TACR3: variants seen among roughly 807,000 people sequenced by gnomAD.
TACR3 encodes the protein neuromedin-K receptor.
A neutral mutation model predicts 35.0 loss-of-function variants in TACR3; 34 were observed. The ratio of observed to expected loss-of-function variants is 0.97; its 90% CI spans 0.74 to 1.30. TACR3 has a LOEUF of 1.30. Among genes scored for constraint, TACR3 ranks in the 50% most tolerant of loss-of-function variants. The probability of loss-of-function intolerance (pLI) is 0.00; values close to 1 mark genes in which losing one functional copy is unlikely to be tolerated. For synonymous variants in TACR3, 233 were observed against 221.1 expected (o/e 1.05, Z -0.48); for missense variants, 558 against 591.7 (o/e 0.94, Z 0.59).
At chr4:103,661,729 T>G (rs555729110) in intron 1 of TACR3, among the ~76,000 whole-genome samples, 1 of 152,290 alleles carries the variant, frequency 6.6e-6, no homozygotes, top group African/African-American at 2.4e-5. Context: ...TTTACTTGAA[T>G]TACATGGAAA....
intron 1 of TACR3, among the ~76,000 whole-genome samples, chr4:103,659,945 A>G (rs1019394855): frequency 6.6e-6 from 1 of 152,142 alleles, no homozygotes; most frequent in African/African-American, 2.4e-5. Context: ...TGTTGTTTCA[A>G]TTCTACTTTT....
At chr4:103,603,171 C>T (rs571000739) in intron 3 of TACR3, among the ~76,000 whole-genome samples, 2 of 152,344 alleles carry the variant, frequency 1.3e-5, no homozygotes, top group South Asian at 4.1e-4. Flanking sequence ...GAGCAAGACT[C>T]CATGGGCGTA....
At chr4:103,711,240 T>C (rs888284614) in intron 1 of TACR3, among the ~76,000 whole-genome samples, 3 of 152,264 alleles carry the variant, frequency 2.0e-5, no homozygotes, top group Non-Finnish European at 2.9e-5. Context: ...GCAAAAATCC[T>C]CAATAAAATA....
At chr4:103,633,390 A>G (rs1367296508) in intron 3 of TACR3, among the ~76,000 whole-genome samples, 2 of 145,650 alleles carry the variant, frequency 1.4e-5, no homozygotes, top group Non-Finnish European at 3.1e-5. Flanking sequence ...TATTTGCTGC[A>G]AATCAATTTA....
At chr4:103,600,124 A>C (rs1051697278) in intron 3 of TACR3, among the ~76,000 whole-genome samples, 2 of 152,064 alleles carry the variant, frequency 1.3e-5, no homozygotes, top group African/African-American at 2.4e-5. Flanking sequence ...TTATTACCTC[A>C]ATTTCACAGC....
At position 103,695,620 on chromosome 4, in the gene TACR3, A is replaced by G. The variant is rs58834485; in HGVS notation, c.548+23508T>C. On this transcript the variant is annotated intron_variant, in intron 1 of 4. Coordinates refer to ENST00000304883, the MANE Select transcript of TACR3 (RefSeq NM_001059.3). ...ATAGTAAAGTTTCGTGGGGTTCAAA[A>G]TTATACACAATTATTTTTACTGTGC... 2.5e-3 allele frequency among the ~76,000 whole-genome samples: 386 copies of G among 152,122 alleles called. 2 individuals carry two copies. The highest frequency in any genetic ancestry group is 9.0e-3 in the African/African-American group (372 of 41,514).
intron 3 of TACR3, among the ~76,000 whole-genome samples, chr4:103,603,800 GCAT>G (rs1724271893): frequency 6.6e-6 from 1 of 152,172 alleles, no homozygotes; most frequent in South Asian, 2.1e-4. Flanking sequence ...CAGTGTGAAA[GCAT>G]TCCTATTTCT....
intron 1 of TACR3, among the ~76,000 whole-genome samples, chr4:103,718,888 C>G (rs1178507645): frequency 6.6e-6 from 1 of 152,154 alleles, no homozygotes; most frequent in African/African-American, 2.4e-5. Context: ...TTCAGTCCCT[C>G]TAGATATCCT....
At chr4:103,649,629 C>A (rs1356137925) in intron 3 of TACR3, among the ~76,000 whole-genome samples, 1 of 152,064 alleles carries the variant, frequency 6.6e-6, no homozygotes, top group Admixed American at 6.6e-5. Flanking sequence ...TGTTAAAAGA[C>A]TAATGCATTC....
chr4:103,686,596 T>A (rs1038639508), intron 1 of TACR3, among the ~76,000 whole-genome samples: 4 of 152,192 alleles, frequency 2.6e-5, no homozygotes, highest in African/African-American at 7.2e-5. Flanking sequence ...CATTCAATTA[T>A]ATAAAATGTC....
chr4:103,626,006 A>G (rs542793197), intron 3 of TACR3, among the ~76,000 whole-genome samples: 60 of 152,264 alleles, frequency 3.9e-4, no homozygotes, highest in African/African-American at 1.3e-3. Flanking sequence ...CCTCGGGAAA[A>G]ATCAACCCAG....
At chr4:103,698,552 T>TTTTTTTCTG (rs1183505024) in intron 1 of TACR3, among the ~76,000 whole-genome samples, 12 of 152,004 alleles carry the variant, frequency 7.9e-5, no homozygotes, top group African/African-American at 2.9e-4. Context: ...TTTTTTTTCT[T>TTTTTTTCTG]TTTTTGGTAA....
At chr4:103,697,402 GTTTA>G (rs111290581) in intron 1 of TACR3, among the ~76,000 whole-genome samples, 29,573 of 144,704 alleles carry the variant, frequency 0.2, 4,112 homozygotes, top group African/African-American at 0.41. Flanking sequence ...TTATTTATTT[GTTTA>G]TTTATTTATT....
chr4:103,710,199 T>C (rs1238157782), intron 1 of TACR3, among the ~76,000 whole-genome samples: 1 of 152,188 alleles, frequency 6.6e-6, no homozygotes, highest in Non-Finnish European at 1.5e-5. Flanking sequence ...ATCAACAGAA[T>C]ATACATTCTT....
In TACR3 at chr4:103,589,039, A is replaced by G. The variant is rs1361866109; in HGVS notation, c.*643T>C. 1.3e-5 allele frequency: 2 copies of G among 152,154 alleles called. No individual in the cohort carries two copies. Among genetic ancestry groups the G allele is most frequent in the Non-Finnish European group, 2.9e-5 (2 of 68,010 alleles). 9.4% of individuals were successfully genotyped at this position (152,154 alleles called of 1,614,324 possible). ...CTTTCTCAGAAAAAAAATCAAGAGA[A>G]TGAAATATACATTTGCCTAATGATT... On this transcript the variant is annotated 3_prime_UTR_variant, in exon 5 of 5. Transcript: ENST00000304883.
intron 3 of TACR3, among the ~76,000 whole-genome samples, chr4:103,597,122 T>C (rs1393081763): frequency 6.7e-6 from 1 of 149,640 alleles, no homozygotes; most frequent in South Asian, 2.1e-4. Context: ...TACCCAGTAA[T>C]GGGAAGGCTG....
At chr4:103,700,889 G>A (rs1191999804) in intron 1 of TACR3, among the ~76,000 whole-genome samples, 1 of 152,048 alleles carries the variant, frequency 6.6e-6, no homozygotes, top group Non-Finnish European at 1.5e-5. Context: ...GGTATTGATG[G>A]GACGTATCTC....
chr4:103,619,018 G>T (rs570712768), intron 3 of TACR3, among the ~76,000 whole-genome samples: 4 of 152,280 alleles, frequency 2.6e-5, no homozygotes, highest in African/African-American at 9.6e-5. Context: ...ATTTCACGTA[G>T]AGAATAATGC....
chr4:103,716,063 G>A lies in TACR3; in HGVS notation c.548+3065C>T, dbSNP rs138083985. ...AGAATCACTGGCCCTGGAGCTAACT[G>A]CAGTGATTTGAATCTTGACTGTACT... On this transcript the variant is annotated intron_variant, in intron 1 of 4. Transcript: ENST00000304883. Among the ~76,000 whole-genome samples, 657 of 152,244 alleles carry A rather than the reference G, an allele frequency of 4.3e-3. 4 individuals carry two copies. The highest frequency in any genetic ancestry group is 0.015 in the African/African-American group (623 of 41,548).
Sources: allele counts gnomAD v4.1 joint callset (sites outside exome capture counted in the v4.1 genomes callset), GRCh38; gene constraint gnomAD v4.1.1; transcripts MANE v1.5; gene names NCBI Gene and HGNC (gene_info 2026-07-23, HGNC 2026-07-21).